The following HHIP variants were observed in gnomAD, a reference collection of about 807,000 sequenced individuals.
HHIP encodes the protein hedgehog interacting protein, also known as hedgehog-interacting protein.
A neutral mutation model predicts 74.0 loss-of-function variants in HHIP; 12 were observed. That is an observed-to-expected ratio of 0.16 (90% confidence interval 0.10 to 0.26). The LOEUF (loss-of-function observed/expected upper bound fraction) is 0.26. Among genes scored for constraint, HHIP ranks in the 10% least tolerant of loss-of-function variants. The probability of loss-of-function intolerance (pLI) is 1.00; values close to 1 mark genes in which losing one functional copy is unlikely to be tolerated. For synonymous variants in HHIP, 309 were observed against 311.6 expected, an observed-to-expected ratio of 0.99 and a Z score of 0.09; for missense variants, 788 against 845.0, an observed-to-expected ratio of 0.93 and a Z score of 0.84.
At chr4:144,706,504 T>A in intron 4 of HHIP, 27 bp from the exon 5 acceptor site, 1 of 1,561,488 alleles carries the variant, frequency 6.4e-7, no homozygotes, top group Non-Finnish European at 8.7e-7. Context: ...AACTTTACAA[T>A]TCTTTGTGTT....
chr4:144,698,288 T>A (rs141496687), intron 4 of HHIP, among the ~76,000 whole-genome samples: 163 of 152,322 alleles, frequency 1.1e-3, no homozygotes, highest in African/African-American at 3.7e-3. Context: ...AGTTATGCAC[T>A]GCATAAAGAC....
At chr4:144,703,727 C>A (rs1002054088) in intron 4 of HHIP, among the ~76,000 whole-genome samples, 1 of 152,096 alleles carries the variant, frequency 6.6e-6, no homozygotes, top group African/African-American at 2.4e-5. Context: ...GCTGGCCAGT[C>A]CCGGCTCCAG....
intron 4 of HHIP, among the ~76,000 whole-genome samples, chr4:144,698,433 A>G (rs1729882613): frequency 6.6e-6 from 1 of 152,204 alleles, no homozygotes; most frequent in Non-Finnish European, 1.5e-5. Context: ...TAGTCAGTAA[A>G]GTAACATGCT....
intron 4 of HHIP, among the ~76,000 whole-genome samples, chr4:144,693,248 A>C (rs539069464): frequency 6.6e-6 from 1 of 151,786 alleles, no homozygotes; most frequent in Non-Finnish European, 1.5e-5. Context: ...TTTTTTTTCA[A>C]ACTGCTACCT....
At chr4:144,719,255 G>T (rs1730559461) in intron 11 of HHIP, among the ~76,000 whole-genome samples, 1 of 152,190 alleles carries the variant, frequency 6.6e-6, no homozygotes, top group South Asian at 2.1e-4. Context: ...GACGTGTGAG[G>T]CAGTGGCTTA....
At chr4:144,707,347 C>A in intron 6 of HHIP, 87 bp downstream of exon 6, 6 of 1,137,964 alleles carry the variant, frequency 5.3e-6, no homozygotes, top group Non-Finnish European at 7.5e-6. Context: ...GAATTAAGAA[C>A]CATCTTTGAA....
At chr4:144,729,874 C>G (rs1364847667) in intron 11 of HHIP, among the ~76,000 whole-genome samples, 3 of 152,120 alleles carry the variant, frequency 2.0e-5, no homozygotes, top group African/African-American at 4.8e-5. Context: ...AATTCAAAAT[C>G]TGGACACCTC....
chr4:144,679,076 C>T (rs1249828261), intron 4 of HHIP, among the ~76,000 whole-genome samples: 2 of 152,166 alleles, frequency 1.3e-5, no homozygotes, highest in Non-Finnish European at 2.9e-5. Flanking sequence ...TCTTTTCTAA[C>T]TGGCGTGAGA....
chr4:144,693,141 A>G (rs576745620), intron 4 of HHIP, among the ~76,000 whole-genome samples: 1 of 152,292 alleles, frequency 6.6e-6, no homozygotes, highest in South Asian at 2.1e-4. Context: ...TGGAACCACT[A>G]TAAACACTTC....
intron 4 of HHIP, among the ~76,000 whole-genome samples, chr4:144,670,780 AAAAAAAAAG>A (rs1168289225): frequency 2.7e-5 from 4 of 150,514 alleles, no homozygotes; most frequent in African/African-American, 9.7e-5. Context: ...AAAAAAAAAA[AAAAAAAAAG>A]AAAGAAAGAA....
intron 4 of HHIP, among the ~76,000 whole-genome samples, chr4:144,662,373 T>C (rs1357808141): frequency 6.6e-6 from 1 of 152,194 alleles, no homozygotes; most frequent in South Asian, 2.1e-4. Context: ...TGATGTCTTA[T>C]TTTTACACAC....
At chr4:144,720,965 A>C (rs1161356828) in intron 11 of HHIP, among the ~76,000 whole-genome samples, 1 of 152,156 alleles carries the variant, frequency 6.6e-6, no homozygotes, top group Non-Finnish European at 1.5e-5. Context: ...GGTCTGTGTT[A>C]GGGTAGAATT....
intron 1 of HHIP, chr4:144,647,209 T>A: frequency 2.3e-6 from 1 of 431,852 alleles, no homozygotes; most frequent in African/African-American, 2.0e-5. Flanking sequence ...GTTTCTGCGG[T>A]ACCCGCACCC....
chr4:144,679,049 C>T (rs1191149001), intron 4 of HHIP, among the ~76,000 whole-genome samples: 1 of 152,158 alleles, frequency 6.6e-6, no homozygotes, highest in Non-Finnish European at 1.5e-5. Context: ...CTGTTGTTTC[C>T]TGACTTTTTA....
chr4:144,699,764 TA>T (rs1560711201), intron 4 of HHIP, among the ~76,000 whole-genome samples: 1 of 151,946 alleles, frequency 6.6e-6, no homozygotes. Flanking sequence ...TTTTTTTTTT[TA>T]ATATATCACA....
In HHIP at chr4:144,725,661, TGC is replaced by T. The variant is rs752707138; in HGVS notation, c.1760+6707_1760+6708del. ...TATTTATTCTGTGGGTGTGTGCGCGTGCGTGTGTGTGTGTGTGTGTGTTTGAG... is the reference window on the plus strand; with the variant it reads ...TATTTATTCTGTGGGTGTGTGCGCGTGTGTGTGTGTGTGTGTGTGTTTGAG... On this transcript the variant is annotated intron_variant, in intron 11 of 12. Transcript: ENST00000296575. 1.3e-3 allele frequency among the ~76,000 whole-genome samples: 187 copies of T among 140,960 alleles called. 1 individual carries two copies. The highest frequency in any genetic ancestry group is 3.6e-3 in the African/African-American group (125 of 35,062). 92.5% of individuals were successfully genotyped at this position (140,960 alleles called of 152,430 possible). A position where few individuals can be genotyped will look rare whatever the true frequency, so the allele number is the denominator to read the frequency against.
rs773611982 is a variant in HHIP at position 144,740,451 on chromosome 4, T to G, written c.*2494T>G. Reference sequence around the variant, plus strand: ...AGGCCAAGTTCTTCTCAAGAGAAGATAGCAAGATCCACGGATATTAAGCCA... The same window carrying G: ...AGGCCAAGTTCTTCTCAAGAGAAGAGAGCAAGATCCACGGATATTAAGCCA... On this transcript the variant is annotated 3_prime_UTR_variant, in exon 13 of 13. Transcript: ENST00000296575. The G allele has an allele frequency of 6.6e-6, 1 of 152,160 alleles. No homozygotes were observed. The highest frequency in any genetic ancestry group is 1.5e-5 in the Non-Finnish European group (1 of 68,032). 9.4% of individuals were successfully genotyped at this position (152,160 alleles called of 1,614,324 possible).
At chr4:144,731,111 T>C (rs1680937859) in intron 11 of HHIP, among the ~76,000 whole-genome samples, 2 of 152,328 alleles carry the variant, frequency 1.3e-5, no homozygotes, top group South Asian at 4.1e-4. Flanking sequence ...ACAGTAAATG[T>C]TTTGTGTTTA....
At chr4:144,726,392 A>T (rs934205975) in intron 11 of HHIP, among the ~76,000 whole-genome samples, 2 of 152,196 alleles carry the variant, frequency 1.3e-5, no homozygotes, top group Non-Finnish European at 2.9e-5. Context: ...ATGAATGAGA[A>T]GTTGGTCCCA....
Sources: gnomAD v4.1 joint callset for allele counts (sites outside exome capture counted in the v4.1 genomes callset) on GRCh38, gnomAD v4.1.1 for gene constraint, MANE v1.5 for transcripts, NCBI Gene and HGNC (gene_info 2026-07-23, HGNC 2026-07-21) for gene names.